KIF6: variants seen among roughly 807,000 people sequenced by gnomAD.
KIF6 encodes kinesin-like protein KIF6.
Under a neutral mutation model 112.7 loss-of-function variants are expected in KIF6, and 106 were observed. That is an observed-to-expected ratio of 0.94 (90% CI 0.80 to 1.11). The LOEUF (loss-of-function observed/expected upper bound fraction) is 1.11. Ranked by LOEUF, KIF6 falls within the 50% of genes least tolerant of loss-of-function variation. KIF6 has a pLI of 0.00. For missense variants in KIF6, 929 were observed against 964.0 expected, an observed-to-expected ratio of 0.96 and a Z score of 0.48; for synonymous variants, 339 against 339.9, an observed-to-expected ratio of 1.00 and a Z score of 0.03.
chr6:39,537,820 T>C (rs1253295183), intron 13 of KIF6, among the ~76,000 whole-genome samples: 1 of 152,094 alleles, frequency 6.6e-6, no homozygotes, highest in African/African-American at 2.4e-5. Flanking sequence ...CAAACTATAC[T>C]ACAGGGCTAC....
At position 39,331,007 on chromosome 6, in the gene KIF6, T is replaced by C. The variant is rs1433936525; in HGVS notation, c.*5525A>G. 1 of 152,490 alleles carries C rather than the reference T, an allele frequency of 6.6e-6. No homozygotes were observed. The allele number at this position is 152,490 out of a possible 1,614,324, so 9.4% of individuals were successfully genotyped here. Reference sequence around the variant, plus strand: ...GCCCAAATCCCCACAAGTCCCCTTTTTGCCAAGCTCCACGTCCTTTGCCTC... The same window carrying C: ...GCCCAAATCCCCACAAGTCCCCTTTCTGCCAAGCTCCACGTCCTTTGCCTC... On this transcript the variant is annotated 3_prime_UTR_variant, in exon 23 of 23. Transcript: ENST00000287152.
chr6:39,549,711 C>A (rs1236232333), intron 10 of KIF6, among the ~76,000 whole-genome samples: 1 of 152,106 alleles, frequency 6.6e-6, no homozygotes, highest in East Asian at 1.9e-4. Flanking sequence ...ACCCCCATGA[C>A]TTGTAACGGC....
intron 16 of KIF6, among the ~76,000 whole-genome samples, chr6:39,383,901 A>AT (rs979765556): frequency 2.0e-5 from 3 of 152,078 alleles, no homozygotes; most frequent in East Asian, 1.9e-4. Context: ...AGGTATTTTA[A>AT]TTTTTTTGTG....
chr6:39,376,452 G>C (rs574260476), intron 16 of KIF6, among the ~76,000 whole-genome samples: 10 of 152,316 alleles, frequency 6.6e-5, no homozygotes, highest in African/African-American at 2.4e-4. Flanking sequence ...AACTGTGCCC[G>C]GCACTGGGCT....
At chr6:39,397,398 T>C (rs1322583069) in intron 15 of KIF6, among the ~76,000 whole-genome samples, 1 of 152,214 alleles carries the variant, frequency 6.6e-6, no homozygotes, top group Non-Finnish European at 1.5e-5. Flanking sequence ...ACCAGAGCTC[T>C]TTCTCCTTTT....
chr6:39,419,078 T>G (rs1399880700), intron 15 of KIF6, among the ~76,000 whole-genome samples: 2 of 151,952 alleles, frequency 1.3e-5, no homozygotes, highest in Non-Finnish European at 2.9e-5. Context: ...TGAGGCTGGG[T>G]GTGGTGGCTC....
intron 3 of KIF6, among the ~76,000 whole-genome samples, chr6:39,697,687 C>T (rs915598537): frequency 6.6e-6 from 1 of 151,958 alleles, no homozygotes; most frequent in African/African-American, 2.4e-5. Flanking sequence ...GCATCACAGG[C>T]ACACACCACC....
chr6:39,679,338 G>A (rs890483576), intron 3 of KIF6, among the ~76,000 whole-genome samples: 2 of 152,148 alleles, frequency 1.3e-5, no homozygotes, highest in Admixed American at 1.3e-4. Context: ...CATTAGGGCG[G>A]TATTATCCTC....
intron 2 of KIF6, among the ~76,000 whole-genome samples, chr6:39,719,004 C>A (rs1790039123): frequency 6.6e-6 from 1 of 151,736 alleles, no homozygotes; most frequent in African/African-American, 2.4e-5. Flanking sequence ...TATGAGACAA[C>A]AAAAAAAGCA....
Position 39,612,203 on chromosome 6 carries a change from G to A in KIF6, c.639+986C>T, listed in dbSNP as rs187398042. 3.3e-5 allele frequency among the ~76,000 whole-genome samples: 5 copies of A among 152,310 alleles called. No homozygotes were observed. In the South Asian group the frequency reaches 6.2e-4, roughly 19 times the overall value. On this transcript the variant is annotated intron_variant, in intron 6 of 22. Coordinates refer to ENST00000287152, the MANE Select transcript of KIF6 (RefSeq NM_145027.6). ...GGGCATTCTAGAGGGCAGACATGGG[G>A]CTGAATAAAAGGTCCCTTGACGGAG... is the stretch of plus-strand genomic sequence containing the variant.
At chr6:39,550,509 C>A (rs1398986868) in intron 10 of KIF6, among the ~76,000 whole-genome samples, 1 of 152,122 alleles carries the variant, frequency 6.6e-6, no homozygotes, top group Admixed American at 6.6e-5. Flanking sequence ...GGATGCAAAG[C>A]AATGGGACTG....
chr6:39,411,959 C>G (rs561501776), intron 15 of KIF6, among the ~76,000 whole-genome samples: 1 of 152,256 alleles, frequency 6.6e-6, no homozygotes, highest in East Asian at 1.9e-4. Flanking sequence ...GATTTGCAGT[C>G]CATTTGACGG....
intron 3 of KIF6, among the ~76,000 whole-genome samples, chr6:39,668,044 A>G (rs1372328637): frequency 6.6e-6 from 1 of 151,914 alleles, no homozygotes; most frequent in Non-Finnish European, 1.5e-5. Flanking sequence ...AGCTTTTTTC[A>G]CAGAAGACAC....
chr6:39,467,476 T>G (rs1773859709), intron 13 of KIF6, among the ~76,000 whole-genome samples: 1 of 152,040 alleles, frequency 6.6e-6, no homozygotes, highest in Non-Finnish European at 1.5e-5. Context: ...GCAGTCAGCT[T>G]AGCAGAGATA....
At chr6:39,481,896 C>T (rs1774819841) in intron 13 of KIF6, among the ~76,000 whole-genome samples, 1 of 152,092 alleles carries the variant, frequency 6.6e-6, no homozygotes, top group African/African-American at 2.4e-5. Flanking sequence ...TGAGCCCATT[C>T]TGATCTATCC....
intron 10 of KIF6, among the ~76,000 whole-genome samples, chr6:39,560,990 T>C (rs1237474909): frequency 1.3e-5 from 2 of 152,226 alleles, no homozygotes; most frequent in Non-Finnish European, 2.9e-5. Flanking sequence ...CCTGAGATTA[T>C]GTAATTGCAG....
intron 13 of KIF6, among the ~76,000 whole-genome samples, chr6:39,454,552 A>G (rs974803358): frequency 6.7e-6 from 1 of 148,754 alleles, no homozygotes; most frequent in African/African-American, 2.5e-5. Flanking sequence ...AAAAAAAAAA[A>G]GATCGAGCGT....
chr6:39,336,517 A>C lies in KIF6; in HGVS notation c.*15T>G. ...TCTTGCTGGCATAATTCATGGATGG[A>C]TATTTCCTGGAAATTCAATTGCTTC... On this transcript the variant is annotated 3_prime_UTR_variant, in exon 23 of 23. Transcript: ENST00000287152. The C allele has an allele frequency of 6.2e-7, 1 of 1,613,462 alleles. No individual in the cohort carries two copies.
chr6:39,622,621 TTTGA>T (rs1206083543), intron 5 of KIF6, among the ~76,000 whole-genome samples: 1 of 152,190 alleles, frequency 6.6e-6, no homozygotes, highest in Non-Finnish European at 1.5e-5. Context: ...ACTATTAGGC[TTTGA>T]TTTTGTTCAG....
Sources: gnomAD v4.1 joint callset for allele counts (sites outside exome capture counted in the v4.1 genomes callset) on GRCh38, gnomAD v4.1.1 for gene constraint, MANE v1.5 for transcripts, NCBI Gene and HGNC (gene_info 2026-07-23, HGNC 2026-07-21) for gene names.